Variants in THSD7A observed in about 807,000 individuals in gnomAD.
The protein encoded by THSD7A is thrombospondin type 1 domain containing 7A.
THSD7A carries 96 observed loss-of-function variants against 231.3 expected under a neutral mutation model. The ratio of observed to expected loss-of-function variants is 0.41; its 90% CI spans 0.35 to 0.49. THSD7A has a LOEUF of 0.49. Ranked by LOEUF, THSD7A falls within the 20% of genes least tolerant of loss-of-function variation. THSD7A has a pLI of 0.05. For missense variants in THSD7A, 2,290 were observed against 2,070.2 expected (o/e 1.11, Z -2.06); for synonymous variants, 940 against 743.3 (o/e 1.26, Z -4.30).
At chr7:11,647,158 C>T (rs1782314682) in intron 1 of THSD7A, among the ~76,000 whole-genome samples, 1 of 152,002 alleles carries the variant, frequency 6.6e-6, no homozygotes, top group African/African-American at 2.4e-5. Context: ...TCTTATTCTA[C>T]CATTCTACCA....
At chr7:11,655,715 A>G (rs535918242) in intron 1 of THSD7A, among the ~76,000 whole-genome samples, 2 of 152,026 alleles carry the variant, frequency 1.3e-5, no homozygotes, top group South Asian at 4.1e-4. Context: ...AAAAAGACAA[A>G]TGACCTCATA....
intron 23 of THSD7A, among the ~76,000 whole-genome samples, chr7:11,390,711 C>A (rs571456398): frequency 1.3e-5 from 2 of 152,344 alleles, no homozygotes; most frequent in South Asian, 4.1e-4. Flanking sequence ...GAGCTAGTTT[C>A]TCCCCATCTT....
At chr7:11,733,710 A>C (rs1781813459) in intron 1 of THSD7A, among the ~76,000 whole-genome samples, 1 of 151,950 alleles carries the variant, frequency 6.6e-6, no homozygotes, top group Admixed American at 6.6e-5. Flanking sequence ...TGGGATCTGA[A>C]TAAGAACAAT....
At chr7:11,698,334 T>C (rs1780465606) in intron 1 of THSD7A, among the ~76,000 whole-genome samples, 2 of 151,374 alleles carry the variant, frequency 1.3e-5, no homozygotes, top group African/African-American at 4.8e-5. Context: ...AGTTTTTTTT[T>C]TCATTCTTTC....
intron 2 of THSD7A, among the ~76,000 whole-genome samples, chr7:11,625,987 A>G (rs1316910685): frequency 1.3e-5 from 2 of 152,090 alleles, no homozygotes; most frequent in Non-Finnish European, 2.9e-5. Flanking sequence ...GCTAAATAGA[A>G]CAACTAAATG....
rs757776863 is a variant in THSD7A, at chr7:11,636,125, G to A, written c.1022+5C>T. On this transcript the variant is annotated splice_donor_5th_base_variant and intron_variant, in intron 2 of 27. Transcript: ENST00000423059. This position sits in a 1 kb window ranked among gnomAD's most constrained non-coding sequence, Gnocchi z 10.0. ...CTGTGTAGTTAACAGTAATTAAAAT[G>A]TTACCTTAAATCAGCAGCTTTCCCC... 1 of 1,604,346 alleles carries A rather than the reference G, an allele frequency of 6.2e-7. No homozygotes were observed. The highest frequency in any genetic ancestry group is 1.7e-5 in the Admixed American group (1 of 59,052).
chr7:11,400,374 C>T (rs1239464829), intron 23 of THSD7A, among the ~76,000 whole-genome samples: 2 of 152,128 alleles, frequency 1.3e-5, no homozygotes, highest in African/African-American at 2.4e-5. Flanking sequence ...TTTCTCCCTT[C>T]TGTAGAAGCG....
intron 6 of THSD7A, among the ~76,000 whole-genome samples, chr7:11,485,016 A>G (rs1367269292): frequency 6.7e-6 from 1 of 149,354 alleles, no homozygotes; most frequent in Admixed American, 6.8e-5. Context: ...TCAGCCTCCC[A>G]TGTAGCTGGG....
chr7:11,487,700 G>C (rs1374580951), intron 6 of THSD7A, among the ~76,000 whole-genome samples: 2 of 152,036 alleles, frequency 1.3e-5, no homozygotes, highest in African/African-American at 4.8e-5. Context: ...TGGCAGGCAA[G>C]AGAGCTTGTG....
At chr7:11,660,330 A>G (rs75538436) in intron 1 of THSD7A, among the ~76,000 whole-genome samples, 8,619 of 151,588 alleles carry the variant, frequency 0.057, 281 homozygotes, top group East Asian at 0.14. Flanking sequence ...ATGCAATAAC[A>G]AAGCAAAGAC....
chr7:11,713,875 A>G (rs1356388449), intron 1 of THSD7A, among the ~76,000 whole-genome samples: 1 of 151,204 alleles, frequency 6.6e-6, no homozygotes, highest in African/African-American at 2.4e-5. Context: ...TCTTTTTTCA[A>G]TTGGTGATAA....
At chr7:11,381,014 AT>A (rs929076256) in intron 24 of THSD7A, among the ~76,000 whole-genome samples, 2 of 152,142 alleles carry the variant, frequency 1.3e-5, no homozygotes, top group Non-Finnish European at 2.9e-5. Context: ...TGCATCCATT[AT>A]TGAAAAAAAA....
intron 23 of THSD7A, among the ~76,000 whole-genome samples, chr7:11,389,880 T>C (rs182707839): frequency 5.4e-4 from 83 of 152,344 alleles, no homozygotes; most frequent in African/African-American, 1.9e-3. Context: ...GAAGCTTAGT[T>C]TGGCTGGATA....
At chr7:11,664,687 A>C (rs1783054921) in intron 1 of THSD7A, among the ~76,000 whole-genome samples, 1 of 151,976 alleles carries the variant, frequency 6.6e-6, no homozygotes, top group Non-Finnish European at 1.5e-5. Flanking sequence ...AATAACTACC[A>C]AGAAAAGAGT....
rs6956184 is a variant in THSD7A at position 11,741,747 on chromosome 7, C to T, written c.190+90010G>A. ...ATTTTTGAATAACTATGTTGATGAC[C>T]TAAACAAAGAATATAGTTAATAAAT... On this transcript the variant is annotated intron_variant, in intron 1 of 27. Transcript: ENST00000423059. Among the ~76,000 whole-genome samples the T allele has an allele frequency of 7.1e-3, 1,085 of 151,882 alleles. 13 individuals are homozygous for T. The highest frequency in any genetic ancestry group is 0.025 in the African/African-American group (1,029 of 41,462).
chr7:11,374,619 C>CTTTTTTTT lies in THSD7A; in HGVS notation c.*1174_*1175insAAAAAAAA, dbSNP rs10657442. 2 of 150,838 alleles carry CTTTTTTTT rather than the reference C, an allele frequency of 1.3e-5. No individual in the cohort carries two copies. Among genetic ancestry groups the CTTTTTTTT allele is most frequent in the African/African-American group, 2.4e-5 (1 of 41,130 alleles). The allele number at this position is 150,838 out of a possible 1,614,324, so 9.3% of individuals were successfully genotyped here. ...TCAAAATTAAAAAGACATCCAGTTC[C>CTTTTTTTT]TTTTTCTTTTTTTTTCTTAACAAAG... On this transcript the variant is annotated 3_prime_UTR_variant, in exon 28 of 28. Transcript: ENST00000423059.
Position 11,406,562 on chromosome 7 carries a change from T to A in THSD7A, c.4063-88A>T. On this transcript the variant is annotated intron_variant, in intron 21 of 27. Coordinates refer to ENST00000423059, the MANE Select transcript of THSD7A (RefSeq NM_015204.3). This position sits in a 1 kb window ranked among gnomAD's most constrained non-coding sequence, Gnocchi z 4.7. ...CTTAGTTATCTCTGCACCACTGACTTTGATTTATGAACATTTAGAGAAGGA... is the reference window on the plus strand; with the variant it reads ...CTTAGTTATCTCTGCACCACTGACTATGATTTATGAACATTTAGAGAAGGA... 7.5e-7 allele frequency: 1 copy of A among 1,340,954 alleles called. No homozygotes were observed. The highest frequency in any genetic ancestry group is 1.6e-5 in the South Asian group (1 of 64,278). The allele number at this position is 1,340,954 out of a possible 1,614,324, so 83.1% of individuals were successfully genotyped here.
intron 6 of THSD7A, among the ~76,000 whole-genome samples, chr7:11,520,435 T>A (rs1167513215): frequency 6.6e-6 from 1 of 152,204 alleles, no homozygotes; most frequent in African/African-American, 2.4e-5. Context: ...TAGTATGACT[T>A]ATTTAAAATT....
At chr7:11,749,061 C>G (rs1402086109) in intron 1 of THSD7A, among the ~76,000 whole-genome samples, 2 of 152,064 alleles carry the variant, frequency 1.3e-5, no homozygotes, top group African/African-American at 4.8e-5. Flanking sequence ...AACTACAATT[C>G]AAACAAACAA....
Sources: gnomAD v4.1 joint callset for allele counts (sites outside exome capture counted in the v4.1 genomes callset) on GRCh38, gnomAD v4.1.1 for gene constraint, Gnocchi (gnomAD v3.1) non-coding constraint, MANE v1.5 for transcripts, NCBI Gene and HGNC (gene_info 2026-07-23, HGNC 2026-07-21) for gene names.